ABHD8: variants seen among roughly 807,000 people sequenced by gnomAD.
ABHD8 encodes abhydrolase domain containing 8, also known as protein ABHD8.
In ABHD8, 10 loss-of-function variants were observed where a neutral mutation model predicts 29.3. That is an observed-to-expected ratio of 0.34 (90% CI 0.21 to 0.58). ABHD8 has a LOEUF of 0.58. Among genes scored for constraint, ABHD8 ranks in the 20% least tolerant of loss-of-function variants. The pLI is 0.85. For synonymous variants in ABHD8, 282 were observed against 274.6 expected, an observed-to-expected ratio of 1.03 and a Z score of -0.27; for missense variants, 556 against 615.3, an observed-to-expected ratio of 0.90 and a Z score of 1.02.
At chr19:17,301,714 G>C in intron 1 of ABHD8, 90 bp from the exon 2 acceptor site, 2 of 1,390,128 alleles carry the variant, frequency 1.4e-6, no homozygotes, top group Non-Finnish European at 1.9e-6. Flanking sequence ...TGGGAGAACT[G>C]TTTTAGACTC....
chr19:17,299,011 G>A (rs991518149), intron 2 of ABHD8, among the ~76,000 whole-genome samples: 1 of 152,142 alleles, frequency 6.6e-6, no homozygotes. Context: ...TAAAGTGCTA[G>A]GATTACAGGC....
chr19:17,292,546 C>A lies in ABHD8; in HGVS notation c.*115G>T. ...CTGGGGGCGTCTCCCTGACCTGGCC[C>A]CGCCCACCGGAGCGAACGGCCCGCC... On this transcript the variant is annotated 3_prime_UTR_variant, in exon 5 of 5. Coordinates refer to ENST00000247706, the MANE Select transcript of ABHD8 (RefSeq NM_024527.5). 1 of 1,275,164 alleles carries A rather than the reference C, an allele frequency of 7.8e-7. No individual in the cohort carries two copies. The highest frequency in any genetic ancestry group is 1.7e-5 in the South Asian group (1 of 59,254). 79.0% of individuals were successfully genotyped at this position (1,275,164 alleles called of 1,614,324 possible).
chr19:17,294,795 T>C lies in ABHD8; in HGVS notation c.812A>G (p.Lys271Arg). 3 of 1,614,206 alleles carry C rather than the reference T, an allele frequency of 1.9e-6. No homozygotes were observed. Among genetic ancestry groups the C allele is most frequent in the Non-Finnish European group, 2.5e-6 (3 of 1,180,040 alleles). The change falls in exon 3 of 5, where the codon AAG becomes AGG. Residue 271 changes from lysine (K) to arginine (R), a missense_variant. Physicochemically the swap from Lys to Arg is conservative, Grantham distance 26 (BLOSUM62 2). Around this residue, in one of 2 missense-constraint regions of ABHD8, gnomAD observed 270 missense variants for 353.9 expected, o/e 0.76. Transcript: ENST00000247706. ...GCCCCCGCCATTGATCATGATCACC[T>C]TGTGCACTAGGTCTGGGTACTCATG... Reference protein sequence around the residue: ...LAHEYPDLVHKVIMINGGGPT... With the variant: ...LAHEYPDLVHRVIMINGGGPT...
chr19:17,295,403 G>A (rs1244022051), intron 2 of ABHD8, among the ~76,000 whole-genome samples: 1 of 151,700 alleles, frequency 6.6e-6, no homozygotes, highest in Non-Finnish European at 1.5e-5. Context: ...CACTGCGCCT[G>A]GCCTGGTTTG....
chr19:17,293,098 CTT>C (rs71334701), intron 4 of ABHD8, among the ~76,000 whole-genome samples: 103 of 136,002 alleles, frequency 7.6e-4, no homozygotes, highest in African/African-American at 1.3e-3. Flanking sequence ...TCTTTTCTTT[CTT>C]TTTTTTTTTT....
chr19:17,301,144 A>C lies in ABHD8; in HGVS notation c.473T>G (p.Ile158Ser). The C allele has an allele frequency of 6.2e-7, 1 of 1,612,494 alleles. No homozygotes were observed. Among genetic ancestry groups the C allele is most frequent in the South Asian group, 1.1e-5 (1 of 91,088 alleles). Reference protein sequence around the residue: ...RRRARRPKRTIHIDCEKRITS... With the variant: ...RRRARRPKRTSHIDCEKRITS... ...GATGCGCTTCTCACAGTCAATATGG[A>C]TGGTCCTCTTGGGGCGCCTGGCTCG... Residue 158 changes from isoleucine (I) to serine (S), a missense_variant, in exon 2 of 5, where the codon ATC becomes AGC. Physicochemically the swap from Ile to Ser is moderately radical, Grantham distance 142 (BLOSUM62 -2). Coordinates refer to ENST00000247706, the MANE Select transcript of ABHD8 (RefSeq NM_024527.5).
At chr19:17,299,108 A>G (rs911395180) in intron 2 of ABHD8, among the ~76,000 whole-genome samples, 1 of 152,040 alleles carries the variant, frequency 6.6e-6, no homozygotes, top group Admixed American at 6.6e-5. Context: ...GTCTGATTAC[A>G]TATGCTAATG....
chr19:17,296,094 T>TGAA (rs1431176726), intron 2 of ABHD8: 1 of 152,216 alleles, frequency 6.6e-6, no homozygotes, highest in Non-Finnish European at 1.5e-5. Context: ...CATGGACACC[T>TGAA]GAAGGGGTGA....
At position 17,301,123 on chromosome 19, in the gene ABHD8, C is replaced by A. The variant is rs775912056; in HGVS notation, c.494G>T (p.Arg165Leu). 2 of 1,613,034 alleles carry A rather than the reference C, an allele frequency of 1.2e-6. No individual in the cohort carries two copies. Among genetic ancestry groups the A allele is most frequent in the East Asian group, 4.5e-5 (2 of 44,890 alleles). The change falls in exon 2 of 5, where the codon CGC (arginine) becomes CTC (leucine). Residue 165 changes from arginine (R) to leucine (L), a missense_variant. Around this residue, in one of 2 missense-constraint regions of ABHD8, gnomAD observed 286 missense variants for 261.4 expected, o/e 1.09. Transcript: ENST00000247706. ...CTGGGCGCCTTTGCAGCTAGTGATG[C>A]GCTTCTCACAGTCAATATGGATGGT... ...KRTIHIDCEKRITSCKGAQAD... is the reference protein window; with the variant it reads ...KRTIHIDCEKLITSCKGAQAD...
At chr19:17,299,314 C>A (rs187989448) in intron 2 of ABHD8, among the ~76,000 whole-genome samples, 1 of 148,642 alleles carries the variant, frequency 6.7e-6, no homozygotes, top group Admixed American at 6.7e-5. Context: ...GTAATCCCAG[C>A]GCTTTGGGAG....
Position 17,294,897 on chromosome 19 carries a change from G to A in ABHD8, c.762-52C>T, listed in dbSNP as rs745732971. 2.5e-6 allele frequency: 4 copies of A among 1,585,502 alleles called. No homozygotes were observed. In the African/African-American group the frequency reaches 5.4e-5, roughly 21 times the overall value. Reference sequence around the variant, plus strand: ...AGGATTGAAGGGAGGCGGTCAGCAGGATACAAGCAGTGACCATTTTGTTTT... The same window carrying A: ...AGGATTGAAGGGAGGCGGTCAGCAGAATACAAGCAGTGACCATTTTGTTTT... On this transcript the variant is annotated intron_variant, in intron 2 of 4. Coordinates refer to ENST00000247706, the MANE Select transcript of ABHD8 (RefSeq NM_024527.5).
chr19:17,297,691 T>C (rs2074098817), intron 2 of ABHD8: 1 of 151,936 alleles, frequency 6.6e-6, no homozygotes, highest in Admixed American at 6.6e-5. Context: ...CTGTTACCTC[T>C]CAGTCTAGAT....
Position 17,301,201 on chromosome 19 carries a change from C to T in ABHD8, c.416G>A (p.Gly139Asp). ...CCGCCCACCACTGCCACTGCCGCTG[C>T]CGCTGCCTGCGCTGCCGGGGGCCAA... ...GRLAPGSAGS[G>D]SGSGSGGRRR... Residue 139 changes from glycine to aspartate, a missense_variant, in exon 2 of 5, where the codon GGC (glycine) becomes GAC (aspartate). Around this residue, in one of 2 missense-constraint regions of ABHD8, gnomAD observed 286 missense variants for 261.4 expected, o/e 1.09. Transcript: ENST00000247706. 1 of 1,602,316 alleles carries T rather than the reference C, an allele frequency of 6.2e-7. No homozygotes were observed. The highest frequency in any genetic ancestry group is 1.1e-5 in the South Asian group (1 of 90,590).
chr19:17,292,469 A>G lies in ABHD8; in HGVS notation c.*192T>C, dbSNP rs891037566. 1 of 632,162 alleles carries G rather than the reference A, an allele frequency of 1.6e-6. No individual in the cohort carries two copies. Among genetic ancestry groups the G allele is most frequent in the Admixed American group, 3.7e-5 (1 of 27,016 alleles). The allele number at this position is 632,162 out of a possible 1,614,324, so 39.2% of individuals were successfully genotyped here. A position where few individuals can be genotyped will look rare whatever the true frequency, so the allele number is the denominator to read the frequency against. On this transcript the variant is annotated 3_prime_UTR_variant, in exon 5 of 5. Transcript: ENST00000247706. ...GATGGGCCCCGCGGGACGGAAGCGG[A>G]GAGCGGAATGTCCGCTGGGCTCCCT...
intron 2 of ABHD8, 67 bp downstream of exon 2, chr19:17,300,789 A>G: frequency 6.6e-7 from 1 of 1,507,190 alleles, no homozygotes; most frequent in East Asian, 2.3e-5. Context: ...AAAACTCAGT[A>G]TTTTGTGACT....
chr19:17,294,228 C>T, intron 4 of ABHD8, 60 bp downstream of exon 4: 2 of 1,559,542 alleles, frequency 1.3e-6, no homozygotes, highest in South Asian at 2.3e-5. Context: ...AGAGGCCACG[C>T]CCCTCCCGGG....
At chr19:17,298,862 C>T (rs10424198) in intron 2 of ABHD8, among the ~76,000 whole-genome samples, 37,780 of 151,146 alleles carry the variant, frequency 0.25, 5,077 homozygotes, top group Non-Finnish European at 0.29. Context: ...TGCCTCACAC[C>T]CCCGAGTAGC....
At chr19:17,295,600 G>T (rs1345920581) in intron 2 of ABHD8, among the ~76,000 whole-genome samples, 1 of 151,832 alleles carries the variant, frequency 6.6e-6, no homozygotes, top group Non-Finnish European at 1.5e-5. Flanking sequence ...TAGACACAGG[G>T]TTTCAGCATG....
rs2074073264 is a variant in ABHD8 at position 17,292,226 on chromosome 19, C to A, written c.*435G>T. Reference sequence around the variant, plus strand: ...CCCCCCCCCTTGGGCAAAAATAGCTCCCAGCGCCGAGGAATGGGGGGTAGG... The same window carrying A: ...CCCCCCCCCTTGGGCAAAAATAGCTACCAGCGCCGAGGAATGGGGGGTAGG... On this transcript the variant is annotated 3_prime_UTR_variant, in exon 5 of 5. Transcript: ENST00000247706. 8.7e-5 allele frequency: 18 copies of A among 206,302 alleles called. No individual in the cohort carries two copies. Among genetic ancestry groups the A allele is most frequent in the Admixed American group, 1.2e-4 (2 of 16,848 alleles). 12.8% of individuals were successfully genotyped at this position (206,302 alleles called of 1,614,324 possible).
Sources: gnomAD v4.1 joint callset for allele counts (sites outside exome capture counted in the v4.1 genomes callset) on GRCh38, gnomAD v4.1.1 for gene constraint, gnomAD v4.1.1 regional missense constraint, MANE v1.5 for transcripts, NCBI Gene and HGNC (gene_info 2026-07-23, HGNC 2026-07-21) for gene names.